ARHGAP17: variants seen among roughly 807,000 people sequenced by gnomAD.
ARHGAP17 encodes Rho GTPase activating protein 17.
In ARHGAP17, 57 loss-of-function variants were observed where a neutral mutation model predicts 99.5. That is an observed-to-expected ratio of 0.57 (90% CI 0.46 to 0.71). The LOEUF (loss-of-function observed/expected upper bound fraction) is 0.71. ARHGAP17 is among the 30% of genes least tolerant of loss of function. The pLI, the probability that ARHGAP17 is intolerant of heterozygous loss-of-function variation, is 0.00. For missense variants in ARHGAP17, 1,000 were observed against 1,122.4 expected (o/e 0.89, Z 1.56); for synonymous variants, 417 against 429.6 (o/e 0.97, Z 0.36).
intron 16 of ARHGAP17, 44 bp from the exon 17 acceptor site, chr16:24,939,641 T>G: frequency 2.6e-6 from 4 of 1,536,954 alleles, no homozygotes; most frequent in Non-Finnish European, 3.5e-6. Context: ...GCGAGCAGAC[T>G]ACTGAGACAG....
intron 1 of ARHGAP17, among the ~76,000 whole-genome samples, chr16:24,997,632 T>G (rs1048702518): frequency 1.3e-5 from 2 of 151,652 alleles, no homozygotes; most frequent in East Asian, 3.9e-4. Flanking sequence ...AGTGGGTAGG[T>G]AGAGCAGGGC....
rs532038742 is a variant in ARHGAP17 at position 24,928,343 on chromosome 16, G to A, written c.2515+2441C>T. On this transcript the variant is annotated intron_variant, in intron 19 of 19. Coordinates refer to ENST00000289968, the MANE Select transcript of ARHGAP17 (RefSeq NM_001006634.3). ...GTTAGGAGAATTCATAGCATAGACC[G>A]GTTTTTAAATAGCTAGTATCTTCGG... 3.9e-5 allele frequency among the ~76,000 whole-genome samples: 6 copies of A among 152,226 alleles called. No homozygotes were observed. The South Asian group carries it at 8.3e-4, about 21-fold the overall frequency.
intron 16 of ARHGAP17, among the ~76,000 whole-genome samples, chr16:24,940,990 A>G (rs2051297474): frequency 6.6e-6 from 1 of 152,144 alleles, no homozygotes. Flanking sequence ...TATGAAAGCT[A>G]ATTTTGTTAC....
chr16:24,983,650 G>A (rs2052769425), intron 1 of ARHGAP17, among the ~76,000 whole-genome samples: 1 of 152,032 alleles, frequency 6.6e-6, no homozygotes, highest in East Asian at 1.9e-4. Flanking sequence ...TTTTGTATAT[G>A]GGTTTTTTCT....
At chr16:24,976,488 T>C (rs2052519932) in intron 3 of ARHGAP17, among the ~76,000 whole-genome samples, 1 of 151,204 alleles carries the variant, frequency 6.6e-6, no homozygotes, top group Non-Finnish European at 1.5e-5. Context: ...GTGACTGTAC[T>C]ACCACACTAC....
intron 1 of ARHGAP17, among the ~76,000 whole-genome samples, chr16:25,006,348 G>A (rs2053505584): frequency 6.6e-6 from 1 of 151,542 alleles, no homozygotes; most frequent in Non-Finnish European, 1.5e-5. Flanking sequence ...TACTCAGGAG[G>A]CTGAGACAGG....
At chr16:24,944,154 C>G (rs1330427025) in intron 14 of ARHGAP17, among the ~76,000 whole-genome samples, 1 of 151,726 alleles carries the variant, frequency 6.6e-6, no homozygotes, top group African/African-American at 2.4e-5. Context: ...TCGCATAGTC[C>G]CAGCTACTCG....
rs554605055 is a variant in ARHGAP17, at chr16:24,987,622, A to C, written c.54-8617T>G. Among the ~76,000 whole-genome samples, 256 of 151,982 alleles carry C rather than the reference A, an allele frequency of 1.7e-3. 1 individual carries two copies. The highest frequency in any genetic ancestry group is 5.9e-3 in the African/African-American group (246 of 41,434). On this transcript the variant is annotated intron_variant, in intron 1 of 19. Transcript: ENST00000289968. ...TCTTTCTACCACCAAGAGCACCCCC[A>C]ACCCAAGGATGGCAAATATGTGGCC...
At chr16:24,988,747 T>G (rs1000032767) in intron 1 of ARHGAP17, among the ~76,000 whole-genome samples, 2 of 152,186 alleles carry the variant, frequency 1.3e-5, no homozygotes. Flanking sequence ...CTATTTGCTA[T>G]CCCTGCTCTA....
chr16:24,923,747 A>AAG (rs1567726438), intron 19 of ARHGAP17, among the ~76,000 whole-genome samples: 4 of 148,908 alleles, frequency 2.7e-5, no homozygotes, highest in African/African-American at 7.6e-5. Context: ...AAAAAAAAAA[A>AAG]AGAGAGAAAC....
chr16:24,934,073 T>A (rs73555425), intron 18 of ARHGAP17, among the ~76,000 whole-genome samples: 12,203 of 152,226 alleles, frequency 0.08, 1,573 homozygotes, highest in African/African-American at 0.28. Flanking sequence ...TTTGCCTCCC[T>A]GCCTATGATT....
chr16:24,939,571 TG>T lies in ARHGAP17; in HGVS notation c.1516del (p.Gln506ArgfsTer9). ...ESFGVKLMDF[Q>X]AHRRGGTLNR... ...TAGAGTGCCACCCCGCCGGTGGGCC[TG>T]GAAGTCCATAAGCTTCACACCAAAG... On this transcript the variant is annotated frameshift_variant, in exon 17 of 20. Transcript: ENST00000289968. LOFTEE classifies it high-confidence loss of function. The T allele has an allele frequency of 6.2e-7, 1 of 1,606,976 alleles. No homozygotes were observed. Among genetic ancestry groups the T allele is most frequent in the African/African-American group, 1.3e-5 (1 of 74,986 alleles).
At chr16:24,993,700 G>T (rs2053115795) in intron 1 of ARHGAP17, among the ~76,000 whole-genome samples, 1 of 152,060 alleles carries the variant, frequency 6.6e-6, no homozygotes, top group African/African-American at 2.4e-5. Context: ...ATTACACAAT[G>T]TGAACCAGTC....
At chr16:24,993,080 G>T (rs986257477) in intron 1 of ARHGAP17, among the ~76,000 whole-genome samples, 2 of 152,028 alleles carry the variant, frequency 1.3e-5, no homozygotes, top group African/African-American at 4.8e-5. Flanking sequence ...TGGAGACAAG[G>T]TCTAAAATCT....
intron 7 of ARHGAP17, 92 bp from the exon 8 acceptor site, chr16:24,960,071 A>C (rs1284397957): frequency 1.7e-6 from 2 of 1,187,160 alleles, no homozygotes; most frequent in Non-Finnish European, 2.5e-6. Context: ...TTAGATGAAA[A>C]AGTGATGGAA....
Position 24,930,928 on chromosome 16 carries a change from C to T in ARHGAP17, c.2371G>A (p.Ala791Thr). Residue 791 changes from alanine to threonine, a missense_variant, in exon 19 of 20, where the codon GCT (alanine) becomes ACT (threonine). This residue lies in a region of ARHGAP17 where 528 missense variants were observed against 511.4 expected (regional missense o/e 1.03). Transcript: ENST00000289968. ...GGTCTCGGTCTCGGTAAGGTTCCAG[C>T]ATGTGGCTGTGCAGTTTCAGGGTTA... The part of the protein sequence containing the change: ...GGNPETAQPH[A>T]GTLPRPRPVP... 6.2e-7 allele frequency: 1 copy of T among 1,613,874 alleles called. No homozygotes were observed. The highest frequency in any genetic ancestry group is 8.5e-7 in the Non-Finnish European group (1 of 1,179,968).
Position 24,931,354 on chromosome 16 carries a change from CAGG to C in ARHGAP17, c.1942_1944del (p.Pro648del). On this transcript the variant is annotated inframe_deletion, in exon 19 of 20. Transcript: ENST00000289968. ...GAAGAACTCTGGCCCCCGGGGTGGC[CAGG>C]AGGTGGGTTGCCCGGTTTCGGGGGT... The C allele has an allele frequency of 2.0e-6, 3 of 1,498,022 alleles. No individual in the cohort carries two copies. Among genetic ancestry groups the C allele is most frequent in the Non-Finnish European group, 2.7e-6 (3 of 1,125,682 alleles). The allele number at this position is 1,498,022 out of a possible 1,614,324, so 92.8% of individuals were successfully genotyped here.
chr16:24,977,335 CAAAAG>C lies in ARHGAP17; in HGVS notation c.94-21_94-17del, dbSNP rs531664098. 1.6e-3 allele frequency: 2,477 copies of C among 1,558,424 alleles called. 21 individuals carry two copies. The highest frequency in any genetic ancestry group is 0.01 in the South Asian group (850 of 84,476). On this transcript the variant is annotated splice_polypyrimidine_tract_variant and intron_variant, in intron 2 of 19. Coordinates refer to ENST00000289968, the MANE Select transcript of ARHGAP17 (RefSeq NM_001006634.3). ...GTCTCTCAATCTGACAAGGCAGAGA[CAAAAG>C]AGAACAAATTCATCCTCTTTCTTTT...
intron 3 of ARHGAP17, among the ~76,000 whole-genome samples, chr16:24,973,383 G>A (rs1174571010): frequency 1.3e-5 from 2 of 152,074 alleles, no homozygotes; most frequent in African/African-American, 4.8e-5. Flanking sequence ...CTAGAGCCCT[G>A]GAGACTGCTG....
Sources: gnomAD v4.1 joint callset for allele counts (sites outside exome capture counted in the v4.1 genomes callset) on GRCh38, gnomAD v4.1.1 for gene constraint, gnomAD v4.1.1 regional missense constraint, MANE v1.5 for transcripts, NCBI Gene and HGNC (gene_info 2026-07-23, HGNC 2026-07-21) for gene names.